The following ZSCAN25 variants were observed in gnomAD, a reference collection of about 807,000 sequenced individuals.
The protein encoded by ZSCAN25 is zinc finger and SCAN domain containing 25, also known as zinc finger and SCAN domain-containing protein 25.
Under a neutral mutation model 38.7 loss-of-function variants are expected in ZSCAN25, and 27 were observed. The observed-to-expected ratio is 0.70, with a 90% CI of 0.51 to 0.96. ZSCAN25 has a LOEUF of 0.96. ZSCAN25 is among the 40% of genes least tolerant of loss of function. The pLI is 0.00. For missense variants in ZSCAN25, 637 were observed against 705.9 expected, an observed-to-expected ratio of 0.90 and a Z score of 1.11; for synonymous variants, 273 against 277.7, an observed-to-expected ratio of 0.98 and a Z score of 0.17.
the ZSCAN25 span, chr7:99,671,829 A>G: frequency 4.3e-6 from 3 of 702,954 alleles, no homozygotes; most frequent in Admixed American, 4.0e-5. Context: ...AGGGAGCCAC[A>G]TGGTGACGGA....
At chr7:99,717,206 T>C in the ZSCAN25 span, 1 of 1,613,950 alleles carries the variant, frequency 6.2e-7, no homozygotes. Context: ...TGCCTGTCTC[T>C]GCTTCCCGCC....
the ZSCAN25 span, among the ~76,000 whole-genome samples, chr7:99,690,410 C>T: frequency 6.6e-6 from 1 of 152,104 alleles, no homozygotes; most frequent in African/African-American, 2.4e-5. Context: ...TCTAAAACAC[C>T]AAAAGCAATG....
chr7:99,638,784 G>A, the ZSCAN25 span: 1 of 917,784 alleles, frequency 1.1e-6, no homozygotes, highest in Non-Finnish European at 1.8e-6. Context: ...AGAAGCTGGG[G>A]CCAGGGGCAT....
the ZSCAN25 span, among the ~76,000 whole-genome samples, chr7:99,724,912 C>A: frequency 8.5e-5 from 13 of 152,168 alleles, no homozygotes; most frequent in African/African-American, 2.9e-4. Flanking sequence ...TGACCTCCCC[C>A]CTCTCCCCAG....
the ZSCAN25 span, among the ~76,000 whole-genome samples, chr7:99,703,176 T>G: frequency 6.6e-6 from 1 of 152,242 alleles, no homozygotes; most frequent in African/African-American, 2.4e-5. Context: ...CAAATATCAT[T>G]TGAAAATAAT....
chr7:99,624,519 G>A (rs1807293557), intron 7 of ZSCAN25: 1 of 279,860 alleles, frequency 3.6e-6, no homozygotes, highest in African/African-American at 2.1e-5. Flanking sequence ...AGCTTGTTCA[G>A]ATATTTATTG....
chr7:99,720,560 T>G, the ZSCAN25 span: 1 of 853,226 alleles, frequency 1.2e-6, no homozygotes, highest in Admixed American at 2.3e-5. Flanking sequence ...TCATTAGGTA[T>G]AACTCACAGC....
rs3735453 is a variant in ZSCAN25, at chr7:99,631,812, T to C, written c.*1792T>C. 115,542 of 985,258 alleles carry C rather than the reference T, an allele frequency of 0.12. 14,900 individuals carry two copies. Among genetic ancestry groups the C allele is most frequent in the African/African-American group, 0.6 (34,290 of 57,240 alleles). 61.0% of individuals were successfully genotyped at this position (985,258 alleles called of 1,614,324 possible). A position where few individuals can be genotyped will look rare whatever the true frequency, so the allele number is the denominator to read the frequency against. ...GCTGTGCCCACGAGGCTGCACTGAC[T>C]GGGTCGTAAATGTATCTGAGATGTC... On this transcript the variant is annotated 3_prime_UTR_variant, in exon 8 of 8. Coordinates refer to ENST00000394152, the MANE Select transcript of ZSCAN25 (RefSeq NM_145115.3).
chr7:99,621,498 T>C lies in ZSCAN25; in HGVS notation c.513T>C (p.Val171=). The part of the protein sequence containing the change: ...PEWGMPPGEG[V]QGPDPGTEEQ... Reference sequence around the variant, plus strand: ...GGGGGATGCCCCCTGGGGAAGGAGTTCAAGGTCCAGACCCAGGTACCGAGG... The same window carrying C: ...GGGGGATGCCCCCTGGGGAAGGAGTCCAAGGTCCAGACCCAGGTACCGAGG... Residue 171 remains valine, a synonymous_variant, in exon 5 of 8, where the codon GTT becomes GTC. Transcript: ENST00000394152. The C allele has an allele frequency of 6.3e-7, 1 of 1,578,984 alleles. No homozygotes were observed. The highest frequency in any genetic ancestry group is 8.6e-7 in the Non-Finnish European group (1 of 1,158,194).
chr7:99,710,785 G>T, the ZSCAN25 span: 4 of 1,613,762 alleles, frequency 2.5e-6, no homozygotes, highest in African/African-American at 4.0e-5. Flanking sequence ...TGGACATCAG[G>T]GTGAGTGGCC....
the ZSCAN25 span, chr7:99,672,819 A>T: frequency 6.7e-7 from 1 of 1,493,488 alleles, no homozygotes; most frequent in East Asian, 2.4e-5. Flanking sequence ...CTTAGGTTCT[A>T]GTTCATTAGG....
the ZSCAN25 span, among the ~76,000 whole-genome samples, chr7:99,684,707 C>G: frequency 6.6e-6 from 1 of 152,170 alleles, no homozygotes; most frequent in African/African-American, 2.4e-5. Flanking sequence ...TATTGATTTG[C>G]TTAATATAAA....
intron 5 of ZSCAN25, chr7:99,622,150 C>T (rs1216773556): frequency 9.8e-6 from 2 of 203,640 alleles, no homozygotes; most frequent in South Asian, 7.0e-5. Flanking sequence ...TGGTCTCGAT[C>T]TCCTGACCTC....
the ZSCAN25 span, among the ~76,000 whole-genome samples, chr7:99,694,369 A>G: frequency 6.6e-6 from 1 of 152,190 alleles, no homozygotes; most frequent in African/African-American, 2.4e-5. Flanking sequence ...TGAGTGAGAA[A>G]AGGAGTGAGT....
the ZSCAN25 span, among the ~76,000 whole-genome samples, chr7:99,642,009 A>G: frequency 6.6e-6 from 1 of 152,180 alleles, no homozygotes; most frequent in Non-Finnish European, 1.5e-5. Context: ...TTCATACCTG[A>G]CAGTTCTTCC....
chr7:99,627,704 C>T (rs576921399), intron 7 of ZSCAN25, among the ~76,000 whole-genome samples: 70 of 144,964 alleles, frequency 4.8e-4, no homozygotes, highest in African/African-American at 1.5e-3. Flanking sequence ...ACGTATATCT[C>T]GTATATGCTG....
chr7:99,649,969 C>T, the ZSCAN25 span: 2 of 1,404,958 alleles, frequency 1.4e-6, no homozygotes, highest in Non-Finnish European at 1.9e-6. Context: ...GGTTCTTTGG[C>T]CCATAGAATG....
In ZSCAN25 at chr7:99,619,742, C is replaced by T. The variant is rs769631881; in HGVS notation, c.136C>T (p.Arg46Trp). 12 of 1,614,232 alleles carry T rather than the reference C, an allele frequency of 7.4e-6. No homozygotes were observed. The highest frequency in any genetic ancestry group is 2.2e-5 in the East Asian group (1 of 44,886). ...PSPETFRLRF[R>W]QFRYQEAAGP... is the part of the protein sequence containing the mutation. ...TCCAGAGACTTTTCGGCTGAGGTTT[C>T]GGCAGTTCCGCTACCAGGAGGCAGC... Residue 46 changes from arginine (R) to tryptophan (W), a missense_variant, in exon 4 of 8, where the codon CGG becomes TGG. Transcript: ENST00000394152.
chr7:99,718,482 A>G, the ZSCAN25 span, among the ~76,000 whole-genome samples: 1 of 152,292 alleles, frequency 6.6e-6, no homozygotes, highest in South Asian at 2.1e-4. Flanking sequence ...TATAATGAGT[A>G]CTTACAGTAC....
Sources: gnomAD v4.1 joint callset for allele counts (sites outside exome capture counted in the v4.1 genomes callset) on GRCh38, gnomAD v4.1.1 for gene constraint, MANE v1.5 for transcripts, NCBI Gene and HGNC (gene_info 2026-07-23, HGNC 2026-07-21) for gene names.